The following NECTIN2 variants were observed in gnomAD, a reference collection of about 807,000 sequenced individuals.
The protein encoded by NECTIN2 is nectin-2.
A neutral mutation model predicts 56.9 loss-of-function variants in NECTIN2; 23 were observed. The ratio of observed to expected loss-of-function variants is 0.40; its 90% CI spans 0.29 to 0.57. The LOEUF (loss-of-function observed/expected upper bound fraction) is 0.57. Ranked by LOEUF, NECTIN2 falls within the 20% of genes least tolerant of loss-of-function variation. The pLI is 0.38. For synonymous variants in NECTIN2, 302 were observed against 313.8 expected (o/e 0.96, Z 0.40); for missense variants, 587 against 718.3 (o/e 0.82, Z 2.09).
chr19:44,887,560 G>A (rs1209635102), intron 8 of NECTIN2, among the ~76,000 whole-genome samples: 1 of 152,024 alleles, frequency 6.6e-6, no homozygotes, highest in Admixed American at 6.6e-5. Context: ...CAGGAGAATC[G>A]CTTGGACCCG....
At chr19:44,882,387 G>C in intron 6 of NECTIN2, 23 bp downstream of exon 6, 1 of 1,375,690 alleles carries the variant, frequency 7.3e-7, no homozygotes, top group Non-Finnish European at 9.5e-7. Context: ...CCCTGAGACG[G>C]GGATGGGAGA....
chr19:44,871,094 G>A (rs769200056), intron 2 of NECTIN2, among the ~76,000 whole-genome samples: 1 of 152,042 alleles, frequency 6.6e-6, no homozygotes, highest in African/African-American at 2.4e-5. Flanking sequence ...TCAAATTCCT[G>A]GCCTCAAGTG....
At chr19:44,876,314 T>A (rs1969236662) in intron 5 of NECTIN2, among the ~76,000 whole-genome samples, 1 of 151,580 alleles carries the variant, frequency 6.6e-6, no homozygotes, top group African/African-American at 2.4e-5. Flanking sequence ...CAGATACACC[T>A]GACAAGCTGA....
In NECTIN2 at chr19:44,874,033, C is replaced by T. The variant is rs147220114; in HGVS notation, c.893C>T (p.Thr298Met). The T allele has an allele frequency of 4.5e-5, 73 of 1,608,572 alleles. No individual in the cohort carries two copies. Among genetic ancestry groups the T allele is most frequent in the Non-Finnish European group, 6.0e-5 (70 of 1,175,804 alleles). The change falls in exon 4 of 9, where the codon ACG becomes ATG. Residue 298 changes from threonine to methionine, a missense_variant and splice_region_variant. Thr to Met is a moderately conservative substitution (Grantham distance 81). Coordinates refer to ENST00000252483, the MANE Select transcript of NECTIN2 (RefSeq NM_001042724.2). This position sits in a 1 kb window ranked among gnomAD's most constrained non-coding sequence, Gnocchi z 6.3. ...GAGCCCACGGGCTATGACTGGAGCA[C>T]GTGAGTCACGTGGTCTCAGAACCCT... Reference protein sequence around the residue: ...NPEPTGYDWSTTSGTFPTSAV... With the variant: ...NPEPTGYDWSMTSGTFPTSAV...
intron 5 of NECTIN2, among the ~76,000 whole-genome samples, chr19:44,876,079 C>T (rs369599): frequency 0.37 from 55,745 of 151,880 alleles, 11,363 homozygotes; most frequent in East Asian, 0.69. Flanking sequence ...TCCCAGGAAC[C>T]CTCCCGAAAC....
Position 44,888,288 on chromosome 19 carries a change from T to A in NECTIN2, c.1526T>A (p.Ile509Asn). ...GEEEEEYLDK[I>N]NPIYDALSYS... The stretch of plus-strand genomic sequence containing the variant: ...GAGGAGGAAGAGTATCTGGACAAGA[T>A]CAACCCCATCTATGATGCTCTGTCC... The change falls in exon 9 of 9, where the codon ATC (isoleucine) becomes AAC (asparagine). Residue 509 changes from isoleucine to asparagine, a missense_variant. By Grantham distance (149) the Ile-to-Asn change is moderately radical. Transcript: ENST00000252483. The A allele has an allele frequency of 1.2e-6, 2 of 1,613,936 alleles. No homozygotes were observed. Among genetic ancestry groups the A allele is most frequent in the Non-Finnish European group, 1.7e-6 (2 of 1,179,930 alleles).
chr19:44,872,540 G>C (rs1969187823), intron 3 of NECTIN2, among the ~76,000 whole-genome samples: 1 of 151,892 alleles, frequency 6.6e-6, no homozygotes, highest in Non-Finnish European at 1.5e-5. Flanking sequence ...CCAGAGAGTT[G>C]GTTTACCAGC....
chr19:44,882,535 A>C (rs1969319179), intron 6 of NECTIN2, among the ~76,000 whole-genome samples, 171 bp downstream of exon 6: 2 of 151,922 alleles, frequency 1.3e-5, no homozygotes. Flanking sequence ...TCTGCTATAA[A>C]GTATGGCATT....
At chr19:44,850,617 C>A (rs2972567) in intron 1 of NECTIN2, among the ~76,000 whole-genome samples, 1,565 of 152,196 alleles carry the variant, frequency 0.01, 27 homozygotes, top group African/African-American at 0.036. Context: ...AGTACTCCAC[C>A]CTGGGCAACA....
chr19:44,887,015 C>T (rs994902773), intron 8 of NECTIN2, among the ~76,000 whole-genome samples: 2 of 115,844 alleles, frequency 1.7e-5, no homozygotes, highest in Admixed American at 1.8e-4. Flanking sequence ...GACCCTATCT[C>T]AAAAAAAAAA....
chr19:44,856,041 C>T (rs1354542089), intron 1 of NECTIN2, among the ~76,000 whole-genome samples: 1 of 152,184 alleles, frequency 6.6e-6, no homozygotes, highest in Non-Finnish European at 1.5e-5. Context: ...TGGCTCACGC[C>T]TATAATCCCA....
chr19:44,846,763 A>AC, intron 1 of NECTIN2, 150 bp downstream of exon 1: 2 of 766,028 alleles, frequency 2.6e-6, no homozygotes, highest in Admixed American at 8.3e-5. Flanking sequence ...ACAGACTCCG[A>AC]CCCCCTACAC....
chr19:44,864,666 A>G (rs1969075314), intron 1 of NECTIN2, among the ~76,000 whole-genome samples: 1 of 152,226 alleles, frequency 6.6e-6, no homozygotes, highest in East Asian at 1.9e-4. Flanking sequence ...TAAAAATACA[A>G]AAAAGAAAAA....
At chr19:44,878,371 A>G (rs1481505663) in intron 5 of NECTIN2, 2 of 1,553,812 alleles carry the variant, frequency 1.3e-6, no homozygotes, top group Non-Finnish European at 1.7e-6. Context: ...CTGGAGGAGC[A>G]GGAGGAGGAG....
chr19:44,846,646 C>T, intron 1 of NECTIN2, 33 bp downstream of exon 1: 6 of 1,517,772 alleles, frequency 4.0e-6, no homozygotes, highest in Non-Finnish European at 5.3e-6. Flanking sequence ...TGCCCTCGCG[C>T]GGACCCCCTC....
chr19:44,853,397 G>T (rs924359997), intron 1 of NECTIN2, among the ~76,000 whole-genome samples: 1 of 149,720 alleles, frequency 6.7e-6, no homozygotes, highest in Non-Finnish European at 1.5e-5. Flanking sequence ...TGGTTTCACC[G>T]TGTTAGCCAG....
chr19:44,865,596 C>T lies in NECTIN2; in HGVS notation c.414C>T (p.Tyr138=), dbSNP rs772277932. 2 of 1,543,336 alleles carry T rather than the reference C, an allele frequency of 1.3e-6. No individual in the cohort carries two copies. The highest frequency in any genetic ancestry group is 2.0e-5 in the Admixed American group (1 of 51,068). The change falls in exon 2 of 9, where the codon TAC becomes TAT. Residue 138 remains tyrosine (Y), a synonymous_variant. Transcript: ENST00000252483. The surrounding 1 kb of genome is among the most constrained non-coding windows in gnomAD (Gnocchi z 5.2). The part of the protein sequence containing the change: ...HGLTVEDEGN[Y]TCEFATFPKG... ...TCACGGTGGAGGACGAGGGCAACTA[C>T]ACTTGCGAGTTTGCCACCTTCCCCA...
At chr19:44,871,755 C>T in intron 2 of NECTIN2, 98 bp from the exon 3 acceptor site, 1 of 1,339,016 alleles carries the variant, frequency 7.5e-7, no homozygotes, top group Non-Finnish European at 1.0e-6. Flanking sequence ...GGGATTGGAA[C>T]CCCGGCAGTT....
intron 5 of NECTIN2, among the ~76,000 whole-genome samples, chr19:44,877,677 G>A (rs865814227): frequency 4.5e-4 from 68 of 152,344 alleles, no homozygotes; most frequent in Middle Eastern, 3.4e-3. Flanking sequence ...GTCCTCCCCC[G>A]AGGGGGTGTG....
Sources: allele counts gnomAD v4.1 joint callset (sites outside exome capture counted in the v4.1 genomes callset), GRCh38; gene constraint gnomAD v4.1.1; non-coding constraint Gnocchi (gnomAD v3.1); transcripts MANE v1.5; gene names NCBI Gene and HGNC (gene_info 2026-07-23, HGNC 2026-07-21).